The following SARNP variants were observed in gnomAD, a reference collection of about 807,000 sequenced individuals.
SARNP encodes SAP domain containing ribonucleoprotein, also known as SAP domain-containing ribonucleoprotein.
A neutral mutation model predicts 38.1 loss-of-function variants in SARNP; 5 were observed. That is an observed-to-expected ratio of 0.13 (90% CI 0.07 to 0.28). SARNP has a LOEUF of 0.28. Ranked by LOEUF, SARNP falls within the 10% of genes least tolerant of loss-of-function variation. SARNP has a pLI of 1.00. For synonymous variants in SARNP, 84 were observed against 80.6 expected, an observed-to-expected ratio of 1.04 and a Z score of -0.23; for missense variants, 180 against 243.9, an observed-to-expected ratio of 0.74 and a Z score of 1.75.
At chr12:55,803,778 G>A in intron 1 of SARNP, 50 bp from the exon 2 acceptor site, 2 of 1,238,068 alleles carry the variant, frequency 1.6e-6, no homozygotes, top group Non-Finnish European at 2.4e-6. Context: ...ATGAACACCA[G>A]TGAATAAAAT....
intron 4 of SARNP, 130 bp downstream of exon 4, chr12:55,800,432 C>CA: frequency 6.2e-6 from 4 of 647,330 alleles, no homozygotes; most frequent in South Asian, 2.3e-5. Flanking sequence ...TTCTAAAAAA[C>CA]AAAAAAATGA....
At chr12:55,784,256 G>A (rs889793592) in intron 9 of SARNP, among the ~76,000 whole-genome samples, 1 of 152,108 alleles carries the variant, frequency 6.6e-6, no homozygotes, top group Non-Finnish European at 1.5e-5. Context: ...TTATATAGAA[G>A]GCTACACTGG....
At chr12:55,778,522 T>G (rs955042799) in intron 9 of SARNP, among the ~76,000 whole-genome samples, 1 of 151,992 alleles carries the variant, frequency 6.6e-6, no homozygotes, top group Non-Finnish European at 1.5e-5. Flanking sequence ...AAGTAGTGTC[T>G]TTTTTTTATC....
intron 1 of SARNP, among the ~76,000 whole-genome samples, chr12:55,808,277 A>G (rs1284130280): frequency 6.6e-6 from 1 of 152,092 alleles, no homozygotes; most frequent in South Asian, 2.1e-4. Context: ...TGAGCCCCGG[A>G]GTTCAAGAAC....
At chr12:55,765,914 G>GC (rs1321033584) in intron 9 of SARNP, among the ~76,000 whole-genome samples, 2 of 152,054 alleles carry the variant, frequency 1.3e-5, no homozygotes, top group Non-Finnish European at 2.9e-5. Context: ...GACCCTTCTA[G>GC]CGTGACGGTG....
chr12:55,784,157 C>T (rs560050625), intron 9 of SARNP, among the ~76,000 whole-genome samples: 2 of 152,290 alleles, frequency 1.3e-5, no homozygotes, highest in South Asian at 4.1e-4. Context: ...AGAGGCTACA[C>T]TACCTGCTAA....
chr12:55,794,831 C>G lies in SARNP; in HGVS notation c.353G>C (p.Ser118Thr). Reference sequence around the variant, plus strand: ...CCTAGCTGCCCGAGCAGCTTTCTTACTCTCCAAGCTCACAGGTACATTGAA... The same window carrying G: ...CCTAGCTGCCCGAGCAGCTTTCTTAGTCTCCAAGCTCACAGGTACATTGAA... ...ERFNVPVSLE[S>T]KKAARAARFG... is the part of the protein sequence containing the mutation. The change falls in exon 6 of 11, where the codon AGT (serine) becomes ACT (threonine). Residue 118 changes from serine to threonine, a missense_variant. Transcript: ENST00000336133. 1 of 1,612,702 alleles carries G rather than the reference C, an allele frequency of 6.2e-7. No individual in the cohort carries two copies. The highest frequency in any genetic ancestry group is 8.5e-7 in the Non-Finnish European group (1 of 1,178,932).
chr12:55,801,012 G>T, intron 2 of SARNP, 112 bp from the exon 3 acceptor site: 1 of 822,052 alleles, frequency 1.2e-6, no homozygotes, highest in Non-Finnish European at 2.1e-6. Context: ...CAACAGTGAA[G>T]GCAGAAACTG....
intron 7 of SARNP, 80 bp downstream of exon 7, chr12:55,794,279 T>C (rs1448265033): frequency 7.9e-7 from 1 of 1,264,996 alleles, no homozygotes; most frequent in African/African-American, 1.5e-5. Context: ...ATTTACCTTA[T>C]TTTGGAGAAA....
intron 9 of SARNP, among the ~76,000 whole-genome samples, chr12:55,765,863 G>A (rs1306699840): frequency 6.6e-6 from 1 of 151,920 alleles, no homozygotes; most frequent in Non-Finnish European, 1.5e-5. Context: ...TGCACAACTG[G>A]GCCCAGTAAA....
chr12:55,759,419 CTT>C (rs781001667), intron 10 of SARNP, among the ~76,000 whole-genome samples: 24 of 140,870 alleles, frequency 1.7e-4, no homozygotes, highest in Non-Finnish European at 2.0e-4. Flanking sequence ...TTTTTCTTTT[CTT>C]TTTTTTTTTT....
At chr12:55,798,443 A>G (rs1239482889) in intron 4 of SARNP, among the ~76,000 whole-genome samples, 1 of 152,218 alleles carries the variant, frequency 6.6e-6, no homozygotes, top group Non-Finnish European at 1.5e-5. Flanking sequence ...GGTTGCAGTG[A>G]GCCAAGATTG....
At chr12:55,791,946 C>G (rs1259524594) in intron 7 of SARNP, among the ~76,000 whole-genome samples, 1 of 152,090 alleles carries the variant, frequency 6.6e-6, no homozygotes, top group East Asian at 1.9e-4. Flanking sequence ...GTTCCCTTTT[C>G]AGACTATTAA....
intron 9 of SARNP, among the ~76,000 whole-genome samples, chr12:55,780,298 C>A (rs1879303217): frequency 6.6e-6 from 1 of 151,870 alleles, no homozygotes. Flanking sequence ...TAAAAACACA[C>A]AAAAAATTAG....
At chr12:55,811,264 T>C (rs762784029) in intron 1 of SARNP, among the ~76,000 whole-genome samples, 2 of 151,818 alleles carry the variant, frequency 1.3e-5, no homozygotes, top group Non-Finnish European at 1.5e-5. Flanking sequence ...TGCTTAAATA[T>C]CACACAGCTT....
chr12:55,757,263 C>CTGCCCTTGTATT (rs1878535668), downstream of SARNP: 1 of 351,410 alleles, frequency 2.8e-6, no homozygotes, highest in Non-Finnish European at 5.2e-6. Flanking sequence ...CCTAATAAAA[C>CTGCCCTTGTATT]ACATTGTTCT....
At chr12:55,774,852 T>C (rs1879124870) in intron 9 of SARNP, among the ~76,000 whole-genome samples, 1 of 150,544 alleles carries the variant, frequency 6.6e-6, no homozygotes, top group Non-Finnish European at 1.5e-5. Context: ...AAACTCCAAA[T>C]ATACAACACC....
chr12:55,811,078 T>A (rs1880313672), intron 1 of SARNP, among the ~76,000 whole-genome samples: 1 of 8,564 alleles, frequency 1.2e-4, no homozygotes, highest in African/African-American at 2.3e-4. Context: ...CGAGACTCCA[T>A]CCCAAAAAAA....
At chr12:55,780,798 C>T (rs527682818) in intron 9 of SARNP, among the ~76,000 whole-genome samples, 1 of 152,170 alleles carries the variant, frequency 6.6e-6, no homozygotes, top group Non-Finnish European at 1.5e-5. Context: ...ATATGCTGGA[C>T]AAGGGGATGA....
Sources: allele counts gnomAD v4.1 joint callset (sites outside exome capture counted in the v4.1 genomes callset), GRCh38; gene constraint gnomAD v4.1.1; transcripts MANE v1.5; gene names NCBI Gene and HGNC (gene_info 2026-07-23, HGNC 2026-07-21).